ALLC: variants seen among roughly 807,000 people sequenced by gnomAD.
The protein encoded by ALLC is probable inactive allantoicase.
A neutral mutation model predicts 45.0 loss-of-function variants in ALLC; 40 were observed. The observed-to-expected ratio is 0.89, with a 90% CI of 0.69 to 1.16. The LOEUF is 1.16. Ranked by LOEUF, ALLC falls within the 50% of genes most tolerant of loss-of-function variation. The probability of loss-of-function intolerance (pLI) is 0.00; values close to 1 mark genes in which losing one functional copy is unlikely to be tolerated. For missense variants in ALLC, 488 were observed against 493.1 expected (o/e 0.99, Z 0.10); for synonymous variants, 176 against 178.1 (o/e 0.99, Z 0.09).
chr2:3,681,836 C>A, intron 6 of ALLC, 123 bp downstream of exon 6: 3 of 697,180 alleles, frequency 4.3e-6, no homozygotes, highest in East Asian at 5.7e-5. Flanking sequence ...CTCCCCACAT[C>A]ATTTGCTTAC....
chr2:3,651,040 G>A, the ALLC span, among the ~76,000 whole-genome samples: 1 of 152,184 alleles, frequency 6.6e-6, no homozygotes, highest in Non-Finnish European at 1.5e-5. Flanking sequence ...AGAGAGCCGG[G>A]ATTTATTAGG....
At chr2:3,668,606 T>C (rs1273556676) in intron 1 of ALLC, among the ~76,000 whole-genome samples, 5 of 137,172 alleles carry the variant, frequency 3.6e-5, no homozygotes, top group Non-Finnish European at 7.7e-5. Context: ...GATGGAGTCT[T>C]GCTCTGTCAC....
At chr2:3,660,409 G>A (rs1223781831) in intron 1 of ALLC, among the ~76,000 whole-genome samples, 1 of 152,066 alleles carries the variant, frequency 6.6e-6, no homozygotes, top group Non-Finnish European at 1.5e-5. Flanking sequence ...CCTTCACAGC[G>A]ACACAAATAG....
At chr2:3,700,216 T>C (rs1667787583) in intron 10 of ALLC, among the ~76,000 whole-genome samples, 1 of 152,234 alleles carries the variant, frequency 6.6e-6, no homozygotes, top group Non-Finnish European at 1.5e-5. Flanking sequence ...CTTCTGCATA[T>C]GGCTAGCCCA....
intron 1 of ALLC, among the ~76,000 whole-genome samples, chr2:3,662,167 A>G (rs1457548860): frequency 6.6e-6 from 1 of 152,348 alleles, no homozygotes; most frequent in South Asian, 2.1e-4. Flanking sequence ...AGCCAGAGAA[A>G]GTCGCCTGCT....
chr2:3,654,382 G>A (rs11894441), upstream of ALLC, among the ~76,000 whole-genome samples: 49,879 of 152,156 alleles, frequency 0.33, 9,136 homozygotes, highest in African/African-American at 0.49. Flanking sequence ...TCGGAACCAC[G>A]CTCTGCCATT....
chr2:3,683,445 A>G (rs1454533952), intron 7 of ALLC, among the ~76,000 whole-genome samples: 4 of 152,236 alleles, frequency 2.6e-5, no homozygotes, highest in Non-Finnish European at 4.4e-5. Context: ...TTTGAAGTGT[A>G]CAATCAATGA....
intron 7 of ALLC, chr2:3,689,078 A>C (rs528345155): frequency 6.6e-6 from 1 of 150,708 alleles, no homozygotes; most frequent in Non-Finnish European, 1.5e-5. Context: ...TTTTTTATGT[A>C]TCCTTCTCTA....
In ALLC at chr2:3,680,728, G is replaced by A. The variant is rs1438537719; in HGVS notation, c.298+734G>A. 6.6e-6 allele frequency among the ~76,000 whole-genome samples: 1 copy of A among 151,890 alleles called. No homozygotes were observed. Among genetic ancestry groups the A allele is most frequent in the Non-Finnish European group, 1.5e-5 (1 of 67,950 alleles). ...AGGGAAAGGGTCTGCGTGCTCCAGC[G>A]GGACAACTGAAGGCAGCCTCCAGAA... On this transcript the variant is annotated intron_variant, in intron 5 of 11. Transcript: ENST00000252505. The surrounding 1 kb of genome is among the most constrained non-coding windows in gnomAD (Gnocchi z 4.0).
At chr2:3,666,748 C>T (rs955915146) in intron 1 of ALLC, among the ~76,000 whole-genome samples, 4 of 152,158 alleles carry the variant, frequency 2.6e-5, no homozygotes, top group East Asian at 3.9e-4. Context: ...GTCTGTGTGG[C>T]GGTTTAGCAC....
At chr2:3,676,833 G>A (rs528099497) in intron 3 of ALLC, among the ~76,000 whole-genome samples, 1 of 151,762 alleles carries the variant, frequency 6.6e-6, no homozygotes, top group South Asian at 2.1e-4. Flanking sequence ...TGTTGCCCAG[G>A]CTGGAGTGCA....
chr2:3,685,159 G>A (rs1480996998), intron 7 of ALLC, among the ~76,000 whole-genome samples: 1 of 152,144 alleles, frequency 6.6e-6, no homozygotes, highest in Non-Finnish European at 1.5e-5. Flanking sequence ...CATAGTGAGT[G>A]TACTAATTTA....
At chr2:3,667,015 G>A (rs1354041320) in intron 1 of ALLC, among the ~76,000 whole-genome samples, 2 of 152,180 alleles carry the variant, frequency 1.3e-5, no homozygotes, top group African/African-American at 2.4e-5. Context: ...AAATACCTAG[G>A]TGTGGCCACT....
intron 1 of ALLC, among the ~76,000 whole-genome samples, chr2:3,662,043 T>G (rs1475413638): frequency 6.6e-6 from 1 of 152,242 alleles, no homozygotes; most frequent in East Asian, 1.9e-4. Flanking sequence ...TCTCTGCCCA[T>G]GAGCCCTGAA....
chr2:3,665,272 C>CT (rs68008447), intron 1 of ALLC, among the ~76,000 whole-genome samples: 24,214 of 150,948 alleles, frequency 0.16, 2,032 homozygotes, highest in Middle Eastern at 0.19. Context: ...ATTCTTTTCC[C>CT]TTTTTTTTTG....
chr2:3,655,959 A>G (rs551362373), upstream of ALLC, among the ~76,000 whole-genome samples: 11 of 151,678 alleles, frequency 7.3e-5, no homozygotes, highest in East Asian at 2.1e-3. Context: ...CCGGTGGGGG[A>G]TGTGGGTAGC....
the ALLC span, among the ~76,000 whole-genome samples, chr2:3,651,442 T>TGTGTGTGTGTGTGCATGAGG: frequency 3.9e-5 from 1 of 25,602 alleles, no homozygotes; most frequent in Non-Finnish European, 1.0e-4. Context: ...TGTGTGTGTG[T>TGTGTGTGTGTGTGCATGAGG]TAGGAAGGGA....
intron 4 of ALLC, 127 bp from the exon 5 acceptor site, chr2:3,679,742 C>A: frequency 7.6e-7 from 1 of 1,309,058 alleles, no homozygotes. Context: ...CCGCCCTGAA[C>A]AGTTTTTTCT....
At chr2:3,691,151 C>A (rs1212584124) in intron 7 of ALLC, among the ~76,000 whole-genome samples, 1 of 151,850 alleles carries the variant, frequency 6.6e-6, no homozygotes, top group African/African-American at 2.4e-5. Flanking sequence ...TTCTTTTTGG[C>A]CTGTATGGTT....
Sources: gnomAD v4.1 joint callset for allele counts (sites outside exome capture counted in the v4.1 genomes callset) on GRCh38, gnomAD v4.1.1 for gene constraint, Gnocchi (gnomAD v3.1) non-coding constraint, MANE v1.5 for transcripts, NCBI Gene and HGNC (gene_info 2026-07-23, HGNC 2026-07-21) for gene names.